The following ADGB variants were observed in gnomAD, a reference collection of about 807,000 sequenced individuals.
The protein encoded by ADGB is calpain-7-like protein.
Under a neutral mutation model 210.5 loss-of-function variants are expected in ADGB, and 172 were observed. That is an observed-to-expected ratio of 0.82 (90% CI 0.72 to 0.93). The LOEUF (loss-of-function observed/expected upper bound fraction) is 0.93, where lower values mean the gene tolerates loss of function less well. ADGB is among the 40% of genes least tolerant of loss of function. The pLI is 0.00. For missense variants in ADGB, 2,025 were observed against 1,964.8 expected, an observed-to-expected ratio of 1.03 and a Z score of -0.58; for synonymous variants, 658 against 662.7, an observed-to-expected ratio of 0.99 and a Z score of 0.11.
rs781267548 is a variant in ADGB, at chr6:146,788,626, A to G, written c.4537+16A>G. 3 of 1,542,854 alleles carry G rather than the reference A, an allele frequency of 1.9e-6. No individual in the cohort carries two copies. The highest frequency in any genetic ancestry group is 3.9e-5 in the Admixed American group (2 of 50,978). On this transcript the variant is annotated intron_variant, in intron 33 of 35. Coordinates refer to ENST00000397944, the MANE Select transcript of ADGB (RefSeq NM_024694.4). ...GAAAACATTCGTAAGTATTGCTGTC[A>G]TTGGTAACATAAACATGTATTTTCA... is the stretch of plus-strand genomic sequence containing the variant.
At chr6:146,676,867 T>G (rs898249552) in intron 9 of ADGB, among the ~76,000 whole-genome samples, 1 of 152,174 alleles carries the variant, frequency 6.6e-6, no homozygotes. Context: ...TTTTAGAAAG[T>G]AACTGTGAGG....
At chr6:146,735,357 C>G (rs1777063279) in intron 22 of ADGB, among the ~76,000 whole-genome samples, 1 of 152,064 alleles carries the variant, frequency 6.6e-6, no homozygotes, top group Non-Finnish European at 1.5e-5. Context: ...GCCTTTATCC[C>G]ATGAGGAAGG....
intron 13 of ADGB, among the ~76,000 whole-genome samples, chr6:146,703,367 T>C (rs1310835660): frequency 6.6e-6 from 1 of 151,896 alleles, no homozygotes; most frequent in Non-Finnish European, 1.5e-5. Context: ...TCACGTTCCT[T>C]TCATTTTTTG....
intron 33 of ADGB, among the ~76,000 whole-genome samples, chr6:146,798,615 C>T (rs887314646): frequency 6.7e-6 from 1 of 149,496 alleles, no homozygotes; most frequent in Non-Finnish European, 1.5e-5. Flanking sequence ...ATCTTAGAAA[C>T]GAAGAAGTAA....
At chr6:146,687,352 C>A (rs940583388) in intron 10 of ADGB, among the ~76,000 whole-genome samples, 1 of 152,060 alleles carries the variant, frequency 6.6e-6, no homozygotes, top group Non-Finnish European at 1.5e-5. Flanking sequence ...GATATGCTAG[C>A]GAGTAAATGC....
chr6:146,634,363 T>C (rs565949528), intron 1 of ADGB, among the ~76,000 whole-genome samples: 1 of 152,270 alleles, frequency 6.6e-6, no homozygotes, highest in East Asian at 1.9e-4. Context: ...CTGTATATTT[T>C]ACTTAATTTA....
At chr6:146,731,130 G>T (rs1776979167) in intron 20 of ADGB, among the ~76,000 whole-genome samples, 1 of 152,108 alleles carries the variant, frequency 6.6e-6, no homozygotes, top group Non-Finnish European at 1.5e-5. Flanking sequence ...TCCCCTTACA[G>T]TGTAATGTAT....
At chr6:146,684,590 G>C (rs1776197210) in intron 9 of ADGB, among the ~76,000 whole-genome samples, 1 of 152,002 alleles carries the variant, frequency 6.6e-6, no homozygotes, top group African/African-American at 2.4e-5. Flanking sequence ...TAATTATTTT[G>C]CTGCATCCTT....
chr6:146,810,303 T>C (rs1037389521), intron 35 of ADGB, among the ~76,000 whole-genome samples: 6 of 152,150 alleles, frequency 3.9e-5, no homozygotes, highest in African/African-American at 9.7e-5. Flanking sequence ...AGACAAGAGA[T>C]AAGTGTTGGG....
Position 146,748,329 on chromosome 6 carries a change from A to T in ADGB, c.3365+2220A>T, listed in dbSNP as rs9497616. On this transcript the variant is annotated intron_variant, in intron 26 of 35. Coordinates refer to ENST00000397944, the MANE Select transcript of ADGB (RefSeq NM_024694.4). ...GACCTGTGAGGACTGCCATAACAAA[A>T]GTCCACACACTGGGTGGGTGACTTA... Among the ~76,000 whole-genome samples the T allele has an allele frequency of 5.6e-3, 845 of 152,210 alleles. 8 individuals are homozygous for T. The highest frequency in any genetic ancestry group is 0.019 in the African/African-American group (805 of 41,538).
chr6:146,602,741 C>T (rs1202275259), intron 1 of ADGB, among the ~76,000 whole-genome samples: 5 of 152,124 alleles, frequency 3.3e-5, no homozygotes, highest in African/African-American at 1.2e-4. Flanking sequence ...AGGTGAGAGG[C>T]AGGGGAGTCA....
intron 13 of ADGB, among the ~76,000 whole-genome samples, chr6:146,702,691 T>A (rs1776507534): frequency 6.6e-6 from 1 of 151,938 alleles, no homozygotes; most frequent in Admixed American, 6.6e-5. Context: ...CTAAAGAGTA[T>A]CTTCATTCTT....
intron 1 of ADGB, among the ~76,000 whole-genome samples, chr6:146,604,934 GT>G (rs1181314326): frequency 6.6e-6 from 1 of 152,120 alleles, no homozygotes; most frequent in Non-Finnish European, 1.5e-5. Context: ...ACTGGGGCTG[GT>G]TTTTCATTGC....
Position 146,715,377 on chromosome 6 carries a change from C to T in ADGB, c.1708-5C>T, listed in dbSNP as rs771983720. 8 of 1,505,142 alleles carry T rather than the reference C, an allele frequency of 5.3e-6. No homozygotes were observed. The South Asian group carries it at 9.0e-5, about 17-fold the overall frequency. The allele number at this position is 1,505,142 out of a possible 1,614,324, so 93.2% of individuals were successfully genotyped here. On this transcript the variant is annotated splice_region_variant and splice_polypyrimidine_tract_variant and intron_variant, in intron 13 of 35. Transcript: ENST00000397944. ...GATTCAAAGTGTGTTTCTTTTAATT[C>T]ATAGGGAAATACTGCTTCACAAGTT... is the stretch of plus-strand genomic sequence containing the variant.
At chr6:146,738,642 G>T (rs1777116339) in intron 23 of ADGB, among the ~76,000 whole-genome samples, 1 of 151,726 alleles carries the variant, frequency 6.6e-6, no homozygotes, top group African/African-American at 2.4e-5. Context: ...TAAAGACGGG[G>T]TTTCACCGTG....
At chr6:146,654,337 T>TAA (rs35396208) in intron 4 of ADGB, 131 bp downstream of exon 4, 2 of 342,146 alleles carry the variant, frequency 5.8e-6, no homozygotes, top group East Asian at 5.8e-5. Context: ...TATATATATA[T>TAA]AATACCAAAA....
intron 11 of ADGB, among the ~76,000 whole-genome samples, 187 bp downstream of exon 11, chr6:146,691,477 A>AAAAT (rs1342320983): frequency 1.1e-4 from 2 of 18,554 alleles, no homozygotes; most frequent in Admixed American, 1.1e-3. Flanking sequence ...TATATATATA[A>AAAAT]ATATATATAT....
intron 3 of ADGB, among the ~76,000 whole-genome samples, chr6:146,645,292 T>C (rs1775591513): frequency 6.6e-6 from 1 of 152,016 alleles, no homozygotes; most frequent in African/African-American, 2.4e-5. Flanking sequence ...TCAGGGATTC[T>C]TGAAGCATTT....
At chr6:146,737,802 C>T (rs1260376733) in intron 23 of ADGB, among the ~76,000 whole-genome samples, 1 of 152,150 alleles carries the variant, frequency 6.6e-6, no homozygotes, top group African/African-American at 2.4e-5. Flanking sequence ...GGAGGTGTAA[C>T]ACTAGCATAA....
Sources: gnomAD v4.1 joint callset for allele counts (sites outside exome capture counted in the v4.1 genomes callset) on GRCh38, gnomAD v4.1.1 for gene constraint, MANE v1.5 for transcripts, NCBI Gene and HGNC (gene_info 2026-07-23, HGNC 2026-07-21) for gene names.